Variants in FAT4 observed in about 807,000 individuals in gnomAD.
FAT4 encodes protocadherin Fat 4.
FAT4 carries 84 observed loss-of-function variants against 303.9 expected under a neutral mutation model. The ratio of observed to expected loss-of-function variants is 0.28; its 90% CI spans 0.23 to 0.33. The LOEUF (loss-of-function observed/expected upper bound fraction) is 0.33. Among genes scored for constraint, FAT4 ranks in the 10% least tolerant of loss-of-function variants. The pLI is 1.00. For synonymous variants in FAT4, 2,307 were observed against 2,298.8 expected (o/e 1.00, Z -0.10); for missense variants, 6,005 against 6,146.8 (o/e 0.98, Z 0.77).
rs201828669 is a variant in FAT4 at position 125,450,269 on chromosome 4, C to G, written c.9259C>G (p.His3087Asp). The change falls in exon 10 of 18, where the codon CAT (histidine) becomes GAT (aspartate). Residue 3087 changes from histidine to aspartate, a missense_variant. His to Asp is a moderately conservative substitution (Grantham distance 81, BLOSUM62 -1). Transcript: ENST00000394329. ...VHITVTEENY[H>D]TPEFSQSHMS... ...CATAACTGTCACTGAGGAAAACTAC[C>G]ATACACCTGAATTCTCTCAAAGCCA... 1.2e-6 allele frequency: 2 copies of G among 1,614,062 alleles called. No individual in the cohort carries two copies. Among genetic ancestry groups the G allele is most frequent in the Non-Finnish European group, 1.7e-6 (2 of 1,179,990 alleles).
rs369319108 is a variant in FAT4 at position 125,413,543 on chromosome 4, ATT to A, written c.5921-1337_5921-1336del. ...TTGTCTGAAAGTTATATTCATAAAT[ATT>A]TTTCCCATGTTTCAAATTAGGCAAA... On this transcript the variant is annotated intron_variant, in intron 5 of 17. Coordinates refer to ENST00000394329, the MANE Select transcript of FAT4 (RefSeq NM_001291303.3). Among the ~76,000 whole-genome samples the A allele has an allele frequency of 8.5e-3, 1,286 of 151,980 alleles. 28 individuals carry two copies. Among genetic ancestry groups the A allele is most frequent in the African/African-American group, 0.03 (1,240 of 41,528 alleles).
At chr4:125,323,833 T>G (rs1484628425) in intron 2 of FAT4, among the ~76,000 whole-genome samples, 1 of 152,208 alleles carries the variant, frequency 6.6e-6, no homozygotes. Flanking sequence ...CCAGCGCATT[T>G]TAAAAAATTA....
intron 12 of FAT4, among the ~76,000 whole-genome samples, chr4:125,470,386 C>T (rs1175369950): frequency 1.3e-5 from 2 of 152,184 alleles, no homozygotes; most frequent in African/African-American, 4.8e-5. Flanking sequence ...AAGCTTTTAA[C>T]CCAGGCATTC....
rs1725998742 is a variant in FAT4, at chr4:125,450,163, T to C, written c.9153T>C (p.Ser3051=). Residue 3051 remains serine (S), a synonymous_variant, in exon 10 of 18, where the codon TCT becomes TCC. Coordinates refer to ENST00000394329, the MANE Select transcript of FAT4 (RefSeq NM_001291303.3). ...TTTCAGTAGCATCCTCCCTGATTTC[T>C]GACTTGAACCAAAACTTTTTTATCA... The part of the protein sequence containing the change: ...GWISVASSLI[S]DLNQNFFITV... 1.2e-6 allele frequency: 2 copies of C among 1,613,804 alleles called. No individual in the cohort carries two copies. The highest frequency in any genetic ancestry group is 8.5e-7 in the Non-Finnish European group (1 of 1,179,982).
intron 16 of FAT4, among the ~76,000 whole-genome samples, chr4:125,482,957 T>A (rs1402453462): frequency 3.3e-5 from 5 of 152,206 alleles, no homozygotes; most frequent in African/African-American, 1.2e-4. Flanking sequence ...CATTTGGCAA[T>A]ATCTGGAGAC....
intron 16 of FAT4, 82 bp downstream of exon 16, chr4:125,481,820 G>A: frequency 8.0e-7 from 1 of 1,257,750 alleles, no homozygotes. Flanking sequence ...CATAATTTCT[G>A]TCCTTTTCTT....
At position 125,491,667 on chromosome 4, in the gene FAT4, G is replaced by T; in HGVS notation, c.14851G>T (p.Asp4951Tyr). 1 of 1,614,190 alleles carries T rather than the reference G, an allele frequency of 6.2e-7. No homozygotes were observed. The highest frequency in any genetic ancestry group is 8.5e-7 in the Non-Finnish European group (1 of 1,180,030). ...GFGHYVDVFK[D>Y]LASLPEKAAA... Reference sequence around the variant, plus strand: ...TGGCCATTATGTAGATGTTTTTAAAGATTTGGCATCTCTTCCAGAAAAAGC... The same window carrying T: ...TGGCCATTATGTAGATGTTTTTAAATATTTGGCATCTCTTCCAGAAAAAGC... Residue 4951 changes from aspartate to tyrosine, a missense_variant, in exon 18 of 18, where the codon GAT becomes TAT. Transcript: ENST00000394329.
intron 2 of FAT4, among the ~76,000 whole-genome samples, chr4:125,331,184 A>C (rs1466523803): frequency 6.6e-6 from 1 of 152,148 alleles, no homozygotes; most frequent in African/African-American, 2.4e-5. Context: ...TTCCCTTTAG[A>C]ATATATGTTT....
At chr4:125,399,664 A>C (rs965904278) in intron 3 of FAT4, among the ~76,000 whole-genome samples, 1 of 151,916 alleles carries the variant, frequency 6.6e-6, no homozygotes, top group African/African-American at 2.4e-5. Context: ...TAACCTTAAA[A>C]ATTTAAATAA....
At chr4:125,393,074 G>T (rs1369697241) in intron 2 of FAT4, among the ~76,000 whole-genome samples, 1 of 152,128 alleles carries the variant, frequency 6.6e-6, no homozygotes, top group East Asian at 1.9e-4. Context: ...GCAAATGAAT[G>T]GATTTCTGAA....
Position 125,369,334 on chromosome 4 carries a change from A to T in FAT4, c.5176-29450A>T, listed in dbSNP as rs142240148. 4.9e-3 allele frequency among the ~76,000 whole-genome samples: 749 copies of T among 152,284 alleles called. 9 individuals carry two copies. Among genetic ancestry groups the T allele is most frequent in the African/African-American group, 0.017 (724 of 41,570 alleles). On this transcript the variant is annotated intron_variant, in intron 2 of 17. Coordinates refer to ENST00000394329, the MANE Select transcript of FAT4 (RefSeq NM_001291303.3). ...TTAATACCAGTTACTCAGGAGGCTGAGGCAGGAGAATCACTTTAACCCAGG... is the reference window on the plus strand; with the variant it reads ...TTAATACCAGTTACTCAGGAGGCTGTGGCAGGAGAATCACTTTAACCCAGG...
chr4:125,392,575 T>G (rs570801453), intron 2 of FAT4, among the ~76,000 whole-genome samples: 8 of 152,190 alleles, frequency 5.3e-5, no homozygotes, highest in Non-Finnish European at 1.0e-4. Context: ...TTACAGAGAA[T>G]TTAACTATAG....
intron 2 of FAT4, among the ~76,000 whole-genome samples, chr4:125,379,656 C>T (rs1185574104): frequency 1.3e-5 from 2 of 151,806 alleles, no homozygotes; most frequent in Non-Finnish European, 2.9e-5. Flanking sequence ...GACATGGTTT[C>T]ACCATGTTGG....
chr4:125,463,725 C>T, intron 11 of FAT4, 58 bp downstream of exon 11: 1 of 1,257,546 alleles, frequency 8.0e-7, no homozygotes, highest in Non-Finnish European at 1.1e-6. Context: ...CACAGTTTAG[C>T]AATTTTGTTT....
chr4:125,385,017 TATATA>T (rs1197941501), intron 2 of FAT4, among the ~76,000 whole-genome samples: 127 of 65,956 alleles, frequency 1.9e-3, no homozygotes, highest in Middle Eastern at 8.3e-3. Flanking sequence ...TATATATATA[TATATA>T]TATTTTTTTT....
intron 2 of FAT4, among the ~76,000 whole-genome samples, chr4:125,331,030 C>T (rs1185285834): frequency 6.6e-6 from 1 of 152,164 alleles, no homozygotes; most frequent in East Asian, 1.9e-4. Flanking sequence ...TCACTTTCCC[C>T]ACATCATTTC....
chr4:125,381,518 AT>A (rs1560788941), intron 2 of FAT4, among the ~76,000 whole-genome samples: 1 of 152,250 alleles, frequency 6.6e-6, no homozygotes, highest in African/African-American at 2.4e-5. Flanking sequence ...TTAAAAAACA[AT>A]GTATATACCT....
At chr4:125,367,603 AATAAC>A (rs1406402715) in intron 2 of FAT4, among the ~76,000 whole-genome samples, 1 of 152,178 alleles carries the variant, frequency 6.6e-6, no homozygotes, top group Non-Finnish European at 1.5e-5. Context: ...TGGGGGAAAA[AATAAC>A]ATACTCTGTA....
chr4:125,436,175 G>T (rs1296604584), intron 8 of FAT4, among the ~76,000 whole-genome samples: 1 of 123,348 alleles, frequency 8.1e-6, no homozygotes, highest in Non-Finnish European at 1.7e-5. Flanking sequence ...ATGTACCCTA[G>T]AACTTAAAGT....
Sources: allele counts gnomAD v4.1 joint callset (sites outside exome capture counted in the v4.1 genomes callset), GRCh38; gene constraint gnomAD v4.1.1; transcripts MANE v1.5; gene names NCBI Gene and HGNC (gene_info 2026-07-23, HGNC 2026-07-21).